RHOQ: variants seen among roughly 807,000 people sequenced by gnomAD.
The protein encoded by RHOQ is rho-related GTP-binding protein RhoQ.
Under a neutral mutation model 25.8 loss-of-function variants are expected in RHOQ, and 7 were observed. The ratio of observed to expected loss-of-function variants is 0.27; its 90% CI spans 0.15 to 0.51. RHOQ has a LOEUF of 0.51. Ranked by LOEUF, RHOQ falls within the 20% of genes least tolerant of loss-of-function variation. The pLI, the probability that RHOQ is intolerant of heterozygous loss-of-function variation, is 0.97. For missense variants in RHOQ, 165 were observed against 260.6 expected (o/e 0.63, Z 2.53); for synonymous variants, 97 against 98.6 (o/e 0.98, Z 0.10).
At chr2:46,577,014 AC>A (rs1276222318) in intron 4 of RHOQ, 1 of 172,474 alleles carries the variant, frequency 5.8e-6, no homozygotes, top group Non-Finnish European at 1.2e-5. Flanking sequence ...ACGTGTCACT[AC>A]TTTCAACCCT....
intron 2 of RHOQ, among the ~76,000 whole-genome samples, chr2:46,573,267 T>A (rs548286175): frequency 6.6e-6 from 1 of 152,268 alleles, no homozygotes; most frequent in Admixed American, 6.5e-5. Flanking sequence ...TTTCACCACA[T>A]TGGCCAGGCT....
chr2:46,575,944 T>C (rs1669108450), intron 2 of RHOQ, 143 bp from the exon 3 acceptor site: 1 of 529,548 alleles, frequency 1.9e-6, no homozygotes, highest in Non-Finnish European at 3.1e-6. Flanking sequence ...AAAAACAGAG[T>C]TATCTGATTT....
At chr2:46,570,545 G>A (rs549476151) in intron 2 of RHOQ, among the ~76,000 whole-genome samples, 2 of 152,360 alleles carry the variant, frequency 1.3e-5, no homozygotes, top group South Asian at 4.1e-4. Flanking sequence ...GAAAACAGTT[G>A]CATTCTCAGA....
At chr2:46,565,537 G>A (rs954885464) in intron 2 of RHOQ, among the ~76,000 whole-genome samples, 3 of 152,198 alleles carry the variant, frequency 2.0e-5, no homozygotes, top group African/African-American at 4.8e-5. Flanking sequence ...CAGAAAAATG[G>A]CCCTGCTCAC....
chr2:46,582,891 C>T lies in RHOQ; in HGVS notation c.*1808C>T, dbSNP rs924839411. ...CTGGCCAGGAACTTTCTCTCTGAAT[C>T]GGACATTTGGATGTCTTCTTTCTTC... On this transcript the variant is annotated 3_prime_UTR_variant, in exon 5 of 5. Transcript: ENST00000238738. The T allele has an allele frequency of 1.6e-4, 24 of 152,548 alleles. No homozygotes were observed. Among genetic ancestry groups the T allele is most frequent in the African/African-American group, 5.5e-4 (23 of 41,556 alleles). The allele number at this position is 152,548 out of a possible 1,614,324, so 9.4% of individuals were successfully genotyped here.
intron 2 of RHOQ, among the ~76,000 whole-genome samples, chr2:46,570,369 G>A (rs909634405): frequency 6.6e-6 from 1 of 152,094 alleles, no homozygotes; most frequent in African/African-American, 2.4e-5. Context: ...GAATCCGGGA[G>A]GCAGAGGTGG....
intron 4 of RHOQ, 54 bp from the exon 5 acceptor site, chr2:46,580,874 G>A (rs1669339257): frequency 1.6e-6 from 2 of 1,266,958 alleles, no homozygotes; most frequent in Admixed American, 2.9e-5. Context: ...TTTATGTCAT[G>A]CCAATTGTAT....
chr2:46,572,999 A>G (rs1387628993), intron 2 of RHOQ, among the ~76,000 whole-genome samples: 1 of 152,060 alleles, frequency 6.6e-6, no homozygotes, highest in Non-Finnish European at 1.5e-5. Flanking sequence ...TAAATTTGCT[A>G]TTATTAGACT....
In RHOQ at chr2:46,576,603, G is replaced by A. The variant is rs779078356; in HGVS notation, c.409G>A (p.Asp137Asn). 6.2e-7 allele frequency: 1 copy of A among 1,611,000 alleles called. No homozygotes were observed. Among genetic ancestry groups the A allele is most frequent in the South Asian group, 1.1e-5 (1 of 90,634 alleles). Reference sequence around the variant, plus strand: ...CCCCAAAACTTTAGCAAGACTGAATGATATGAAAGAAAAACCTATATGTGT... The same window carrying A: ...CCCCAAAACTTTAGCAAGACTGAATAATATGAAAGAAAAACCTATATGTGT... ...DDPKTLARLN[D>N]MKEKPICVEQ... is the part of the protein sequence containing the mutation. Residue 137 changes from aspartate to asparagine, a missense_variant, in exon 4 of 5, where the codon GAT (aspartate) becomes AAT (asparagine). Physicochemically the swap from Asp to Asn is conservative, Grantham distance 23. Coordinates refer to ENST00000238738, the MANE Select transcript of RHOQ (RefSeq NM_012249.4). The surrounding 1 kb of genome is among the most constrained non-coding windows in gnomAD (Gnocchi z 5.1).
intron 2 of RHOQ, 130 bp downstream of exon 2, chr2:46,543,942 C>A: frequency 2.9e-6 from 2 of 696,690 alleles, no homozygotes; most frequent in Non-Finnish European, 4.9e-6. Context: ...TGGATTAGGT[C>A]TTTATTTCTT....
intron 2 of RHOQ, among the ~76,000 whole-genome samples, chr2:46,574,507 C>T (rs1056621952): frequency 1.3e-5 from 2 of 152,072 alleles, no homozygotes; most frequent in African/African-American, 2.4e-5. Context: ...GTTTCATACC[C>T]ACCCTATTTG....
In RHOQ at chr2:46,576,475, A is replaced by T; in HGVS notation, c.367-86A>T. ...TTCTTTTGTTTAATCTTTTTTTGGTATGTGGGAATTAAGTGGGATTACATG... is the reference window on the plus strand; with the variant it reads ...TTCTTTTGTTTAATCTTTTTTTGGTTTGTGGGAATTAAGTGGGATTACATG... On this transcript the variant is annotated intron_variant, in intron 3 of 4. Coordinates refer to ENST00000238738, the MANE Select transcript of RHOQ (RefSeq NM_012249.4). This position sits in a 1 kb window ranked among gnomAD's most constrained non-coding sequence, Gnocchi z 5.1. 6 of 912,314 alleles carry T rather than the reference A, an allele frequency of 6.6e-6. No individual in the cohort carries two copies. The South Asian group carries it at 8.5e-5, about 13-fold the overall frequency. The allele number at this position is 912,314 out of a possible 1,614,324, so 56.5% of individuals were successfully genotyped here. A position where few individuals can be genotyped will look rare whatever the true frequency, so the allele number is the denominator to read the frequency against.
intron 1 of RHOQ, chr2:46,543,454 C>A (rs1039362728): frequency 3.3e-6 from 2 of 601,244 alleles, no homozygotes; most frequent in African/African-American, 1.9e-5. Context: ...TCCTCCTTGA[C>A]CTTCCCACAT....
At chr2:46,544,850 A>G (rs1572731925) in intron 2 of RHOQ, among the ~76,000 whole-genome samples, 4 of 152,370 alleles carry the variant, frequency 2.6e-5, no homozygotes, top group African/African-American at 9.6e-5. Context: ...TAAAAAAATA[A>G]GATGATCCCC....
intron 2 of RHOQ, among the ~76,000 whole-genome samples, chr2:46,561,912 C>T (rs1038629378): frequency 2.6e-5 from 4 of 152,214 alleles, no homozygotes; most frequent in Non-Finnish European, 4.4e-5. Context: ...CCCTGGACCT[C>T]GGGCCAGGCC....
intron 2 of RHOQ, among the ~76,000 whole-genome samples, chr2:46,546,504 ATATATATG>A (rs1333200442): frequency 5.2e-4 from 11 of 21,312 alleles, no homozygotes; most frequent in East Asian, 1.9e-3. Context: ...ATATATATAT[ATATATATG>A]TATATACATA....
chr2:46,543,697 C>T, intron 1 of RHOQ, 57 bp from the exon 2 acceptor site: 2 of 1,533,924 alleles, frequency 1.3e-6, no homozygotes, highest in Non-Finnish European at 1.8e-6. Context: ...AGCGAAATTG[C>T]CCCAGAGCCC....
At position 46,569,132 on chromosome 2, in the gene RHOQ, T is replaced by G. The variant is rs556675037; in HGVS notation, c.202-6955T>G. The G allele has an allele frequency of 6.6e-6, 1 of 152,346 alleles. No individual in the cohort carries two copies. Among genetic ancestry groups the G allele is most frequent in the African/African-American group, 2.4e-5 (1 of 41,574 alleles). 9.4% of individuals were successfully genotyped at this position (152,346 alleles called of 1,614,324 possible). ...CTCCGAAGTTGTGGTTTGTCTTTTTTTGGAAAGTCAGGCTTGTCTGCCAAA... is the reference window on the plus strand; with the variant it reads ...CTCCGAAGTTGTGGTTTGTCTTTTTGTGGAAAGTCAGGCTTGTCTGCCAAA... On this transcript the variant is annotated intron_variant, in intron 2 of 4. Transcript: ENST00000238738. The surrounding 1 kb of genome is among the most constrained non-coding windows in gnomAD (Gnocchi z 4.1).
At position 46,582,673 on chromosome 2, in the gene RHOQ, G is replaced by A. The variant is rs569923291; in HGVS notation, c.*1590G>A. 18 of 152,614 alleles carry A rather than the reference G, an allele frequency of 1.2e-4. No homozygotes were observed. The highest frequency in any genetic ancestry group is 4.3e-4 in the African/African-American group (18 of 41,532). The allele number at this position is 152,614 out of a possible 1,614,324, so 9.5% of individuals were successfully genotyped here. The stretch of plus-strand genomic sequence containing the variant: ...GCTTCTGTTAATTCACATGACTTGA[G>A]CTTATAGCTATGTCTACTGCACAGA... On this transcript the variant is annotated 3_prime_UTR_variant, in exon 5 of 5. Coordinates refer to ENST00000238738, the MANE Select transcript of RHOQ (RefSeq NM_012249.4).
Sources: gnomAD v4.1 joint callset for allele counts (sites outside exome capture counted in the v4.1 genomes callset) on GRCh38, gnomAD v4.1.1 for gene constraint, Gnocchi (gnomAD v3.1) non-coding constraint, MANE v1.5 for transcripts, NCBI Gene and HGNC (gene_info 2026-07-23, HGNC 2026-07-21) for gene names.